The following DBF4B variants were observed in gnomAD, a reference collection of about 807,000 sequenced individuals.
DBF4B encodes DBF4B-CDC7 kinase regulatory subunit, also known as protein DBF4 homolog B.
DBF4B carries 49 observed loss-of-function variants against 53.4 expected under a neutral mutation model. The observed-to-expected ratio is 0.92, with a 90% CI of 0.73 to 1.16. The LOEUF is 1.16. DBF4B is among the 50% of genes most tolerant of loss of function. The pLI, the probability that DBF4B is intolerant of heterozygous loss-of-function variation, is 0.00. For synonymous variants in DBF4B, 257 were observed against 288.7 expected (o/e 0.89, Z 1.11); for missense variants, 692 against 775.0 (o/e 0.89, Z 1.27).
At chr17:44,748,527 T>C (rs989404169) in intron 13 of DBF4B, 62 bp downstream of exon 13, 5 of 1,608,068 alleles carry the variant, frequency 3.1e-6, no homozygotes, top group African/African-American at 2.7e-5. Flanking sequence ...GTGCAGGGAC[T>C]GGTGAGGTAC....
At chr17:44,714,617 TATA>T (rs960833833) in intron 2 of DBF4B, among the ~76,000 whole-genome samples, 30 of 152,246 alleles carry the variant, frequency 2.0e-4, no homozygotes, top group African/African-American at 6.5e-4. Flanking sequence ...GTAAAACAGG[TATA>T]ATAATTTTAT....
Position 44,751,821 on chromosome 17 carries a change from TCTCCTTTCTTTC to T in DBF4B, c.*575_*586del. 6.5e-7 allele frequency: 1 copy of T among 1,532,258 alleles called. No homozygotes were observed. Among genetic ancestry groups the T allele is most frequent in the South Asian group, 1.2e-5 (1 of 83,740 alleles). 94.9% of individuals were successfully genotyped at this position (1,532,258 alleles called of 1,614,324 possible). A position where few individuals can be genotyped will look rare whatever the true frequency, so the allele number is the denominator to read the frequency against. On this transcript the variant is annotated 3_prime_UTR_variant, in exon 14 of 14. Coordinates refer to ENST00000315005, the MANE Select transcript of DBF4B (RefSeq NM_145663.3). Reference sequence around the variant, plus strand: ...ACTGGTGACCAAAGTTGGTTCCTTTTCTCCTTTCTTTCCTCCTTGAAGCCTGGCTCCCTTGGT... The same window carrying T: ...ACTGGTGACCAAAGTTGGTTCCTTTTCTCCTTGAAGCCTGGCTCCCTTGGT...
chr17:44,735,950 A>G (rs759128105), intron 7 of DBF4B, among the ~76,000 whole-genome samples: 3 of 151,074 alleles, frequency 2.0e-5, no homozygotes, highest in Non-Finnish European at 3.0e-5. Context: ...AGATCCATTT[A>G]CTCTTTTTTC....
chr17:44,730,188 C>G (rs1248184540), intron 4 of DBF4B, 92 bp downstream of exon 4: 2 of 1,339,042 alleles, frequency 1.5e-6, no homozygotes, highest in Non-Finnish European at 1.0e-6. Context: ...TTAATTTCAT[C>G]TGGATTAATT....
chr17:44,734,218 G>A, intron 7 of DBF4B, 55 bp downstream of exon 7: 1 of 1,610,518 alleles, frequency 6.2e-7, no homozygotes, highest in African/African-American at 1.3e-5. Context: ...TGAAATCAGT[G>A]ACAACTTAGG....
intron 3 of DBF4B, 58 bp downstream of exon 3, chr17:44,723,080 G>T: frequency 6.3e-7 from 1 of 1,598,220 alleles, no homozygotes; most frequent in Admixed American, 1.7e-5. Flanking sequence ...TAGAGCAGGA[G>T]TTGGATGGGG....
At chr17:44,748,980 G>A in intron 13 of DBF4B, 4 of 1,289,832 alleles carry the variant, frequency 3.1e-6, no homozygotes, top group Non-Finnish European at 2.0e-6. Flanking sequence ...CCTCCTGGCT[G>A]GGGAAAGGGT....
At position 44,730,917 on chromosome 17, in the gene DBF4B, G is replaced by A. The variant is rs377530561; in HGVS notation, c.418-48G>A. On this transcript the variant is annotated intron_variant, in intron 4 of 13. Transcript: ENST00000315005. ...AGCTCCTGTGTAAACATCTTTCAGT[G>A]CACAGGTGGCCTAACAGCAGACCTC... 3.1e-6 allele frequency: 5 copies of A among 1,600,768 alleles called. No individual in the cohort carries two copies. In the African/African-American group the frequency reaches 6.7e-5, roughly 21 times the overall value.
chr17:44,727,540 A>G (rs1974466114), intron 3 of DBF4B, among the ~76,000 whole-genome samples: 2 of 152,328 alleles, frequency 1.3e-5, no homozygotes, highest in African/African-American at 4.8e-5. Context: ...CCAGAAACTC[A>G]GGACTGCAGA....
At chr17:44,729,463 C>T (rs1344040725) in intron 3 of DBF4B, among the ~76,000 whole-genome samples, 1 of 152,136 alleles carries the variant, frequency 6.6e-6, no homozygotes, top group East Asian at 1.9e-4. Flanking sequence ...ACCTCAGCCT[C>T]CTACAGTGCT....
Position 44,751,565 on chromosome 17 carries a change from A to C in DBF4B, c.*312A>C. ...TGTTGGTTTCCTTCTCAGACTTGCC[A>C]CCTTTCCCCTCTGCCCCAAAATGCC... is the stretch of plus-strand genomic sequence containing the variant. On this transcript the variant is annotated 3_prime_UTR_variant, in exon 14 of 14. Coordinates refer to ENST00000315005, the MANE Select transcript of DBF4B (RefSeq NM_145663.3). 1.5e-6 allele frequency: 2 copies of C among 1,327,532 alleles called. No homozygotes were observed. Among genetic ancestry groups the C allele is most frequent in the East Asian group, 3.0e-5 (1 of 32,872 alleles). 82.2% of individuals were successfully genotyped at this position (1,327,532 alleles called of 1,614,324 possible). A position where few individuals can be genotyped will look rare whatever the true frequency, so the allele number is the denominator to read the frequency against.
chr17:44,732,317 A>T, intron 6 of DBF4B, 52 bp downstream of exon 6: 1 of 1,586,858 alleles, frequency 6.3e-7, no homozygotes, highest in Non-Finnish European at 8.6e-7. Flanking sequence ...GACTTTGACC[A>T]GGAGTGTCAG....
At chr17:44,736,611 A>C (rs1363288032) in intron 7 of DBF4B, among the ~76,000 whole-genome samples, 2 of 152,062 alleles carry the variant, frequency 1.3e-5, no homozygotes, top group Non-Finnish European at 2.9e-5. Context: ...TGCCATTAAG[A>C]TTCACACACC....
chr17:44,729,993 G>C lies in DBF4B; in HGVS notation c.314G>C (p.Arg105Thr). Residue 105 changes from arginine to threonine, a missense_variant, in exon 4 of 14, where the codon AGA becomes ACA. Coordinates refer to ENST00000315005, the MANE Select transcript of DBF4B (RefSeq NM_145663.3). The stretch of plus-strand genomic sequence containing the variant: ...GCAGAGAGCAGTGGGAAAAGCCATA[G>C]AGGCTGCCCTAGCCCTAGCCCCAGT... The part of the protein sequence containing the change: ...VKAESSGKSH[R>T]GCPSPSPSEV... 1 of 1,613,946 alleles carries C rather than the reference G, an allele frequency of 6.2e-7. No individual in the cohort carries two copies. The highest frequency in any genetic ancestry group is 1.1e-5 in the South Asian group (1 of 91,054).
At chr17:44,713,269 C>T (rs372451514) in intron 2 of DBF4B, among the ~76,000 whole-genome samples, 433 of 150,072 alleles carry the variant, frequency 2.9e-3, no homozygotes, top group African/African-American at 9.6e-3. Context: ...TCTTCATCTC[C>T]TGACCTCGTG....
rs536555255 is a variant in DBF4B at position 44,743,461 on chromosome 17, C to A, written c.830+2009C>A. ...TTCCACACCCAGCCTCCAGTTCTAT[C>A]CCCTCACTGGTGCAACCTTCCTCCC... On this transcript the variant is annotated intron_variant, in intron 10 of 13. Transcript: ENST00000315005. 7.3e-5 allele frequency among the ~76,000 whole-genome samples: 11 copies of A among 151,524 alleles called. 1 individual carries two copies. The South Asian group carries it at 2.3e-3, about 32-fold the overall frequency.
At chr17:44,744,800 A>C (rs549702831) in intron 10 of DBF4B, among the ~76,000 whole-genome samples, 3 of 152,182 alleles carry the variant, frequency 2.0e-5, no homozygotes, top group African/African-American at 7.2e-5. Context: ...TATAATTATA[A>C]TTTTTGTTTT....
chr17:44,721,417 C>T (rs1033859652), intron 2 of DBF4B, among the ~76,000 whole-genome samples: 4 of 151,894 alleles, frequency 2.6e-5, no homozygotes, highest in Non-Finnish European at 5.9e-5. Flanking sequence ...CAGGGTTTTG[C>T]CATGTTGCCC....
At chr17:44,730,829 A>G in intron 4 of DBF4B, 136 bp from the exon 5 acceptor site, 6 of 830,756 alleles carry the variant, frequency 7.2e-6, no homozygotes, top group Non-Finnish European at 1.1e-5. Flanking sequence ...ATTTCTACCA[A>G]TCCTCAGTTG....
Sources: gnomAD v4.1 joint callset for allele counts (sites outside exome capture counted in the v4.1 genomes callset) on GRCh38, gnomAD v4.1.1 for gene constraint, MANE v1.5 for transcripts, NCBI Gene and HGNC (gene_info 2026-07-23, HGNC 2026-07-21) for gene names.